MAMDC2: variants seen among roughly 807,000 people sequenced by gnomAD.
MAMDC2 encodes MAM domain containing 2, also known as MAM domain-containing protein 2.
Under a neutral mutation model 89.8 loss-of-function variants are expected in MAMDC2, and 57 were observed. The ratio of observed to expected loss-of-function variants is 0.63; its 90% CI spans 0.51 to 0.79. The LOEUF (loss-of-function observed/expected upper bound fraction) is 0.79, where lower values mean the gene tolerates loss of function less well. MAMDC2 is among the 30% of genes least tolerant of loss of function. The pLI is 0.00. For missense variants in MAMDC2, 800 were observed against 820.6 expected (o/e 0.97, Z 0.31); for synonymous variants, 313 against 293.4 (o/e 1.07, Z -0.68).
intron 2 of MAMDC2, among the ~76,000 whole-genome samples, chr9:70,054,364 G>T (rs369828773): frequency 6.6e-6 from 1 of 152,064 alleles, no homozygotes; most frequent in Admixed American, 6.5e-5. Flanking sequence ...AGGAAGAACC[G>T]GGCATGTATG....
chr9:70,199,270 C>T (rs1242350679), intron 11 of MAMDC2, among the ~76,000 whole-genome samples: 2 of 125,440 alleles, frequency 1.6e-5, no homozygotes, highest in Non-Finnish European at 3.3e-5. Flanking sequence ...CTCATTGTTC[C>T]ATTCCCACCT....
At chr9:70,145,035 G>T (rs1298402625) in intron 9 of MAMDC2, among the ~76,000 whole-genome samples, 2 of 152,174 alleles carry the variant, frequency 1.3e-5, no homozygotes, top group Non-Finnish European at 2.9e-5. Context: ...TCCATTGCTA[G>T]GCAGGAATAG....
intron 2 of MAMDC2, chr9:70,085,958 C>A (rs1827762132): frequency 6.6e-6 from 1 of 151,918 alleles, no homozygotes. Context: ...TATCTTTCAA[C>A]ATGTTTGTTA....
intron 11 of MAMDC2, among the ~76,000 whole-genome samples, chr9:70,171,564 A>C (rs1225060615): frequency 1.3e-5 from 2 of 152,156 alleles, no homozygotes; most frequent in Admixed American, 1.3e-4. Flanking sequence ...TCACACCCCC[A>C]TTCCATTTGG....
At chr9:70,133,196 T>A (rs961487051) in intron 7 of MAMDC2, among the ~76,000 whole-genome samples, 5 of 152,242 alleles carry the variant, frequency 3.3e-5, no homozygotes, top group African/African-American at 1.2e-4. Flanking sequence ...TCCCTTGTTT[T>A]GTCTATGGTA....
At chr9:70,129,688 C>CA (rs2030709490) in intron 6 of MAMDC2, among the ~76,000 whole-genome samples, 1 of 152,114 alleles carries the variant, frequency 6.6e-6, no homozygotes, top group Non-Finnish European at 1.5e-5. Context: ...CCAGCATTGA[C>CA]AAACTCAAAG....
chr9:70,190,357 A>C (rs769757710), intron 11 of MAMDC2, among the ~76,000 whole-genome samples: 3 of 152,158 alleles, frequency 2.0e-5, no homozygotes, highest in Non-Finnish European at 2.9e-5. Flanking sequence ...CTGTTAGCTT[A>C]ACAGTCAACT....
chr9:70,142,348 A>G (rs1238005536), intron 8 of MAMDC2, among the ~76,000 whole-genome samples: 1 of 152,128 alleles, frequency 6.6e-6, no homozygotes, highest in Non-Finnish European at 1.5e-5. Context: ...GAGGAAAATG[A>G]TGTCAGAGAG....
chr9:70,175,328 C>T (rs2032465114), intron 11 of MAMDC2, among the ~76,000 whole-genome samples: 1 of 152,042 alleles, frequency 6.6e-6, no homozygotes, highest in Non-Finnish European at 1.5e-5. Flanking sequence ...GTGGTCAAAT[C>T]CTGGATATAT....
At chr9:70,182,066 C>G (rs1210389176) in intron 11 of MAMDC2, among the ~76,000 whole-genome samples, 2 of 152,068 alleles carry the variant, frequency 1.3e-5, no homozygotes, top group African/African-American at 4.8e-5. Flanking sequence ...TAGCATGAAG[C>G]GGTGTTGAAT....
Position 70,044,171 on chromosome 9 carries a change from C to T in MAMDC2, c.-27C>T. ...AGCGGGCTGGCAACTTGCACCCCTTCCTAGTCATCCTCCCTGAAACGCGAC... is the reference window on the plus strand; with the variant it reads ...AGCGGGCTGGCAACTTGCACCCCTTTCTAGTCATCCTCCCTGAAACGCGAC... On this transcript the variant is annotated 5_prime_UTR_variant, in exon 1 of 14. Transcript: ENST00000377182. 6.2e-7 allele frequency: 1 copy of T among 1,613,664 alleles called. No individual in the cohort carries two copies. The highest frequency in any genetic ancestry group is 8.5e-7 in the Non-Finnish European group (1 of 1,179,914).
intron 11 of MAMDC2, among the ~76,000 whole-genome samples, chr9:70,189,693 T>C (rs929521071): frequency 6.6e-6 from 1 of 152,118 alleles, no homozygotes; most frequent in African/African-American, 2.4e-5. Flanking sequence ...CTCTCTCTCT[T>C]CCTTTTGGGA....
chr9:70,139,834 C>G (rs2031145541), intron 7 of MAMDC2, among the ~76,000 whole-genome samples: 3 of 152,128 alleles, frequency 2.0e-5, no homozygotes, highest in Admixed American at 2.0e-4. Context: ...GAGATGGTAT[C>G]TCATTGTGGT....
At chr9:70,211,893 C>T (rs989641178) in intron 11 of MAMDC2, among the ~76,000 whole-genome samples, 1 of 152,232 alleles carries the variant, frequency 6.6e-6, no homozygotes, top group Admixed American at 6.5e-5. Context: ...TGGAGGTCCA[C>T]TCCAGACTCT....
In MAMDC2 at chr9:70,206,599, A is replaced by G. The variant is rs368785887; in HGVS notation, c.1652-11738A>G. Among the ~76,000 whole-genome samples, 4 of 152,084 alleles carry G rather than the reference A, an allele frequency of 2.6e-5. No individual in the cohort carries two copies. In the South Asian group the frequency reaches 8.3e-4, roughly 32 times the overall value. On this transcript the variant is annotated intron_variant, in intron 11 of 13. Coordinates refer to ENST00000377182, the MANE Select transcript of MAMDC2 (RefSeq NM_153267.5). ...AATTATACAACAAGCAACATAGGAG[A>G]CTTTGTTTCATATTTTTTTTGGTAT... is the stretch of plus-strand genomic sequence containing the variant.
At chr9:70,136,230 T>C (rs990244523) in intron 7 of MAMDC2, among the ~76,000 whole-genome samples, 2 of 152,180 alleles carry the variant, frequency 1.3e-5, no homozygotes, top group African/African-American at 2.4e-5. Flanking sequence ...CAATTACTGT[T>C]CTTTTTACTG....
Position 70,218,399 on chromosome 9 carries a change from A to G in MAMDC2, c.1714A>G (p.Arg572Gly), listed in dbSNP as rs747582478. Reference sequence around the variant, plus strand: ...TGGACAAAAAGCACGCCTCTTGTCCAGGCCTCTGCGAGGAGTCTCTGGAAA... The same window carrying G: ...TGGACAAAAAGCACGCCTCTTGTCCGGGCCTCTGCGAGGAGTCTCTGGAAA... ...VYGQKARLLSRPLRGVSGKHC... is the reference protein window; with the variant it reads ...VYGQKARLLSGPLRGVSGKHC... The change falls in exon 12 of 14, where the codon AGG becomes GGG. Residue 572 changes from arginine to glycine, a missense_variant. Coordinates refer to ENST00000377182, the MANE Select transcript of MAMDC2 (RefSeq NM_153267.5). 6.2e-7 allele frequency: 1 copy of G among 1,614,206 alleles called. No homozygotes were observed. The highest frequency in any genetic ancestry group is 1.1e-5 in the South Asian group (1 of 91,078).
intron 8 of MAMDC2, among the ~76,000 whole-genome samples, chr9:70,142,919 G>T (rs2031276479): frequency 6.6e-6 from 1 of 152,172 alleles, no homozygotes; most frequent in African/African-American, 2.4e-5. Context: ...TGGGGATGGT[G>T]GGAGGGGGAG....
At position 70,186,852 on chromosome 9, in the gene MAMDC2, G is replaced by A. The variant is rs1587553440; in HGVS notation, c.1651+16221G>A. 2.0e-5 allele frequency among the ~76,000 whole-genome samples: 3 copies of A among 152,258 alleles called. No individual in the cohort carries two copies. In the South Asian group the frequency reaches 6.2e-4, roughly 32 times the overall value. ...AGAGCAAGAGGGAGGCAGGAAGGAG[G>A]TGCTAGGCTCTTTAAACAACCAGTT... On this transcript the variant is annotated intron_variant, in intron 11 of 13. Coordinates refer to ENST00000377182, the MANE Select transcript of MAMDC2 (RefSeq NM_153267.5).
Sources: allele counts gnomAD v4.1 joint callset (sites outside exome capture counted in the v4.1 genomes callset), GRCh38; gene constraint gnomAD v4.1.1; transcripts MANE v1.5; gene names NCBI Gene and HGNC (gene_info 2026-07-23, HGNC 2026-07-21).